The following BMPR1A variants were observed in gnomAD, a reference collection of about 807,000 sequenced individuals.
The protein encoded by BMPR1A is bone morphogenetic protein receptor type 1A, also known as bone morphogenetic protein receptor type-1A.
A neutral mutation model predicts 66.0 loss-of-function variants in BMPR1A; 7 were observed. The ratio of observed to expected loss-of-function variants is 0.11; its 90% CI spans 0.06 to 0.20. BMPR1A has a LOEUF of 0.20. Ranked by LOEUF, BMPR1A falls within the 10% of genes least tolerant of loss-of-function variation. The pLI is 1.00. For missense variants in BMPR1A, 408 were observed against 669.1 expected (o/e 0.61, Z 4.31); for synonymous variants, 200 against 229.7 (o/e 0.87, Z 1.17).
chr10:86,917,793 C>G (rs1291449929), intron 9 of BMPR1A, among the ~76,000 whole-genome samples: 1 of 152,160 alleles, frequency 6.6e-6, no homozygotes, highest in African/African-American at 2.4e-5. Flanking sequence ...GCCGATCTGG[C>G]TATCCTGAGT....
intron 2 of BMPR1A, among the ~76,000 whole-genome samples, chr10:86,844,320 T>C (rs1842457830): frequency 6.6e-6 from 1 of 152,182 alleles, no homozygotes; most frequent in Non-Finnish European, 1.5e-5. Flanking sequence ...CTATGTAAGA[T>C]TTAGTAAAAC....
At chr10:86,930,287 C>CTT, downstream of BMPR1A, 4 of 146,212 alleles carry the variant, frequency 2.7e-5, no homozygotes, top group Non-Finnish European at 4.5e-5. Flanking sequence ...ATCTTTTTTT[C>CTT]TTTTTTTTTT....
intron 3 of BMPR1A, among the ~76,000 whole-genome samples, chr10:86,884,051 T>A: frequency 6.6e-6 from 1 of 151,736 alleles, no homozygotes; most frequent in Non-Finnish European, 1.5e-5. Context: ...ATTTTTGTAT[T>A]TTTAGTAGGG....
intron 1 of BMPR1A, among the ~76,000 whole-genome samples, chr10:86,779,354 A>G (rs992330436): frequency 3.3e-5 from 5 of 152,190 alleles, no homozygotes; most frequent in African/African-American, 7.2e-5. Context: ...ATTCCCACCA[A>G]TAAAGTGTAA....
At chr10:86,889,893 A>C (rs1843122599) in intron 3 of BMPR1A, among the ~76,000 whole-genome samples, 169 bp from the exon 4 acceptor site, 1 of 152,224 alleles carries the variant, frequency 6.6e-6, no homozygotes. Context: ...TTCTGTGCAT[A>C]ATAATGTATG....
chr10:86,765,983 C>T (rs1841155172), intron 1 of BMPR1A, among the ~76,000 whole-genome samples: 1 of 98,584 alleles, frequency 1.0e-5, no homozygotes. Flanking sequence ...TTTCAATTTC[C>T]TCATTCTTTT....
At position 86,785,987 on chromosome 10, in the gene BMPR1A, G is replaced by A. The variant is rs543787447; in HGVS notation, c.-268+29068G>A. On this transcript the variant is annotated intron_variant, in intron 1 of 12. Coordinates refer to ENST00000372037, the MANE Select transcript of BMPR1A (RefSeq NM_004329.3). ...ACCTGCTCCTTCTCAATCCTTCAAC[G>A]TCACTTTCACCGTCTTTAGCACACA... Among the ~76,000 whole-genome samples, 5 of 152,158 alleles carry A rather than the reference G, an allele frequency of 3.3e-5. No individual in the cohort carries two copies. The South Asian group carries it at 6.2e-4, about 19-fold the overall frequency.
intron 2 of BMPR1A, 131 bp from the exon 3 acceptor site, chr10:86,875,736 G>A (rs1326501908): frequency 8.7e-6 from 4 of 462,426 alleles, no homozygotes; most frequent in African/African-American, 3.9e-5. Flanking sequence ...AAAAAGCAAG[G>A]ATACCTTTAA....
At chr10:86,891,572 TTATA>T (rs1843150291) in intron 4 of BMPR1A, among the ~76,000 whole-genome samples, 3 of 152,194 alleles carry the variant, frequency 2.0e-5, no homozygotes, top group African/African-American at 7.2e-5. Context: ...AAGAATTTCA[TTATA>T]TATGTATGTA....
intron 1 of BMPR1A, among the ~76,000 whole-genome samples, chr10:86,787,548 A>G (rs1451001580): frequency 1.3e-5 from 2 of 152,260 alleles, no homozygotes; most frequent in African/African-American, 2.4e-5. Context: ...CCCTAAGGCT[A>G]TAATGCTCAC....
At chr10:86,815,053 G>C (rs994694477) in intron 1 of BMPR1A, among the ~76,000 whole-genome samples, 1 of 152,176 alleles carries the variant, frequency 6.6e-6, no homozygotes, top group East Asian at 1.9e-4. Context: ...AAAGTACTGG[G>C]ATTACAGGCG....
At chr10:86,915,561 T>C (rs1843555502) in intron 8 of BMPR1A, among the ~76,000 whole-genome samples, 1 of 151,988 alleles carries the variant, frequency 6.6e-6, no homozygotes, top group Non-Finnish European at 1.5e-5. Flanking sequence ...AAACCCTGTC[T>C]CTACTAAAAA....
Position 86,925,876 on chromosome 10 carries a change from C to T in BMPR1A, c.*2157C>T, listed in dbSNP as rs573161407. 28 of 162,998 alleles carry T rather than the reference C, an allele frequency of 1.7e-4. No homozygotes were observed. The highest frequency in any genetic ancestry group is 1.4e-4 in the East Asian group (1 of 7,402). The allele number at this position is 162,998 out of a possible 1,614,324, so 10.1% of individuals were successfully genotyped here. A position where few individuals can be genotyped will look rare whatever the true frequency, so the allele number is the denominator to read the frequency against. ...CCGAGTAGCTGGGACTACAGGCGCC[C>T]GCCACCGCGCCCGGCTAATTTTTTG... is the stretch of plus-strand genomic sequence containing the variant. On this transcript the variant is annotated 3_prime_UTR_variant, in exon 13 of 13. Transcript: ENST00000372037.
At chr10:86,767,436 T>C (rs1166189466) in intron 1 of BMPR1A, among the ~76,000 whole-genome samples, 1 of 151,852 alleles carries the variant, frequency 6.6e-6, no homozygotes, top group African/African-American at 2.4e-5. Flanking sequence ...CCCAGCACTT[T>C]GGGTGGCGGA....
chr10:86,849,637 T>C (rs1376168435), intron 2 of BMPR1A, among the ~76,000 whole-genome samples: 1 of 152,254 alleles, frequency 6.6e-6, no homozygotes, highest in African/African-American at 2.4e-5. Context: ...GATATGGTTG[T>C]CATTAGCCAC....
intron 1 of BMPR1A, among the ~76,000 whole-genome samples, chr10:86,788,826 C>T (rs912362794): frequency 1.1e-4 from 16 of 152,026 alleles, no homozygotes; most frequent in African/African-American, 3.9e-4. Flanking sequence ...AGGCTGGTCT[C>T]GAACTCCTGA....
chr10:86,857,456 T>C (rs1052577349), intron 2 of BMPR1A, among the ~76,000 whole-genome samples: 4 of 152,218 alleles, frequency 2.6e-5, no homozygotes, highest in African/African-American at 4.8e-5. Flanking sequence ...GTGTGTTAAT[T>C]ATCATTGCTG....
intron 7 of BMPR1A, among the ~76,000 whole-genome samples, chr10:86,903,840 T>G (rs2133482405): frequency 6.6e-6 from 1 of 152,182 alleles, no homozygotes; most frequent in South Asian, 2.1e-4. Flanking sequence ...TCTCCTGACC[T>G]CATGATCCGC....
chr10:86,902,297 T>A, intron 7 of BMPR1A, among the ~76,000 whole-genome samples: 2 of 152,204 alleles, frequency 1.3e-5, no homozygotes, highest in Non-Finnish European at 2.9e-5. Flanking sequence ...TTTTTTTCTC[T>A]TTGATTTATA....
Sources: gnomAD v4.1 joint callset for allele counts (sites outside exome capture counted in the v4.1 genomes callset) on GRCh38, gnomAD v4.1.1 for gene constraint, MANE v1.5 for transcripts, NCBI Gene and HGNC (gene_info 2026-07-23, HGNC 2026-07-21) for gene names.